Variants in RSAD1 observed in about 807,000 individuals in gnomAD.
RSAD1 encodes radical S-adenosyl methionine domain containing 1.
RSAD1 carries 34 observed loss-of-function variants against 46.2 expected under a neutral mutation model. That is an observed-to-expected ratio of 0.74 (90% CI 0.56 to 0.98). The LOEUF is 0.98. Ranked by LOEUF, RSAD1 falls within the 50% of genes least tolerant of loss-of-function variation. RSAD1 has a pLI of 0.00. For missense variants in RSAD1, 635 were observed against 592.3 expected (o/e 1.07, Z -0.75); for synonymous variants, 260 against 253.5 (o/e 1.03, Z -0.24).
chr17:50,483,778 T>C lies in RSAD1; in HGVS notation c.1107+18T>C. 1 of 1,601,602 alleles carries C rather than the reference T, an allele frequency of 6.2e-7. No individual in the cohort carries two copies. The highest frequency in any genetic ancestry group is 8.5e-7 in the Non-Finnish European group (1 of 1,175,634). On this transcript the variant is annotated intron_variant, in intron 7 of 8. Coordinates refer to ENST00000258955, the MANE Select transcript of RSAD1 (RefSeq NM_018346.3). ...CTCACCAGGTAAGGAGTTAGGATTC[T>C]TGCACACCACTCCCTCCTAAAGTCT...
intron 1 of RSAD1, 44 bp downstream of exon 1, chr17:50,479,063 C>G: frequency 7.7e-7 from 1 of 1,301,208 alleles, no homozygotes; most frequent in Non-Finnish European, 9.8e-7. Flanking sequence ...TGGCCGCAGC[C>G]CTGGCCGTGA....
At chr17:50,480,205 T>A (rs1317461009) in intron 3 of RSAD1, 121 bp downstream of exon 3, 2 of 960,012 alleles carry the variant, frequency 2.1e-6, no homozygotes, top group East Asian at 2.6e-5. Flanking sequence ...AGGGACACAG[T>A]AGGGCCTAGT....
At chr17:50,481,319 G>C (rs150508277) in intron 3 of RSAD1, among the ~76,000 whole-genome samples, 1 of 152,220 alleles carries the variant, frequency 6.6e-6, no homozygotes, top group Non-Finnish European at 1.5e-5. Context: ...CCTGAACTCT[G>C]TAATTGGATT....
chr17:50,479,380 G>C, intron 1 of RSAD1: 1 of 530,626 alleles, frequency 1.9e-6, no homozygotes. Flanking sequence ...AGCTTGGGTT[G>C]AATTCCTTCC....
chr17:50,483,853 C>A, intron 7 of RSAD1, 93 bp downstream of exon 7: 1 of 1,234,718 alleles, frequency 8.1e-7, no homozygotes, highest in African/African-American at 1.5e-5. Flanking sequence ...ACATATACCT[C>A]CAATTTCTGT....
At chr17:50,481,616 T>C (rs770775613) in intron 3 of RSAD1, among the ~76,000 whole-genome samples, 2 of 152,250 alleles carry the variant, frequency 1.3e-5, no homozygotes, top group Non-Finnish European at 2.9e-5. Flanking sequence ...TTCAGCATAA[T>C]AACAGGTATG....
rs544449721 is a variant in RSAD1, at chr17:50,479,610, G to T, written c.136-19G>T. ...GGCCAGGGCAGCTCTCACCGCGCAC[G>T]TGCACTCACTGCCCCCAGTGGCCTT... On this transcript the variant is annotated intron_variant, in intron 1 of 8. Transcript: ENST00000258955. The T allele has an allele frequency of 1.9e-6, 3 of 1,613,280 alleles. No individual in the cohort carries two copies. Among genetic ancestry groups the T allele is most frequent in the Admixed American group, 1.7e-5 (1 of 60,024 alleles).
At chr17:50,483,188 AAAAAGAAAGAAAGAAAGAAAGAAAAG>A in intron 5 of RSAD1, 126 bp from the exon 6 acceptor site, 6 of 925,234 alleles carry the variant, frequency 6.5e-6, no homozygotes, top group Non-Finnish European at 8.8e-6. Context: ...AAAAAAAAAA[AAAAAGAAAGAAAGAAAGAAAGAAAAG>A]AAAAGAAAAA....
At chr17:50,483,292 C>G in intron 5 of RSAD1, 48 bp from the exon 6 acceptor site, 2 of 1,580,724 alleles carry the variant, frequency 1.3e-6, no homozygotes, top group Non-Finnish European at 8.6e-7. Context: ...CTGGTAAACA[C>G]ATAGTATTAA....
chr17:50,479,987 T>C lies in RSAD1; in HGVS notation c.377T>C (p.Leu126Ser), dbSNP rs2290861. The C allele has an allele frequency of 0.61, 976,678 of 1,613,950 alleles. 303,272 individuals carry two copies. Among genetic ancestry groups the C allele is most frequent in the African/African-American group, 0.87 (65,584 of 75,000 alleles). ...VAQAAHLPADLEVTLEANPTS... is the reference protein window; with the variant it reads ...VAQAAHLPADSEVTLEANPTS... ...CAGGCAGCCCACCTGCCTGCAGACT[T>C]GGAAGTCACATTGGAGGCTAATCCT... The change falls in exon 3 of 9, where the codon TTG becomes TCG. Residue 126 changes from leucine (L) to serine (S), a missense_variant. Coordinates refer to ENST00000258955, the MANE Select transcript of RSAD1 (RefSeq NM_018346.3).
At chr17:50,480,415 G>C in intron 3 of RSAD1, 1 of 340,088 alleles carries the variant, frequency 2.9e-6, no homozygotes, top group Non-Finnish European at 5.6e-6. Context: ...AATGTCACCT[G>C]TAAAGGGGGT....
intron 3 of RSAD1, 69 bp from the exon 4 acceptor site, chr17:50,482,019 TCTA>T (rs2143834051): frequency 6.8e-7 from 1 of 1,462,946 alleles, no homozygotes; most frequent in African/African-American, 1.4e-5. Context: ...TGTATCTGTG[TCTA>T]CAATGGGGAG....
chr17:50,484,368 T>A, intron 7 of RSAD1, 74 bp from the exon 8 acceptor site: 13 of 1,293,478 alleles, frequency 1.0e-5, no homozygotes, highest in East Asian at 2.3e-5. Context: ...CTCCCCCACC[T>A]CTCACCATAC....
chr17:50,483,199 A>AAGAT, intron 5 of RSAD1, 141 bp from the exon 6 acceptor site: 1 of 910,406 alleles, frequency 1.1e-6, no homozygotes, highest in Non-Finnish European at 1.5e-6. Context: ...AAAAGAAAGA[A>AAGAT]AGAAAGAAAG....
chr17:50,483,633 C>A (rs1176800882), intron 6 of RSAD1, 73 bp from the exon 7 acceptor site: 1 of 1,597,076 alleles, frequency 6.3e-7, no homozygotes, highest in Admixed American at 1.7e-5. Flanking sequence ...CTAAATGCAT[C>A]CCAGTGTAGA....
chr17:50,483,785 C>A, intron 7 of RSAD1, 25 bp downstream of exon 7: 1 of 1,597,428 alleles, frequency 6.3e-7, no homozygotes, highest in Non-Finnish European at 8.5e-7. Context: ...TTCTTGCACA[C>A]CACTCCCTCC....
rs1236369641 is a variant in RSAD1, at chr17:50,478,909, C to T, written c.25C>T (p.Arg9Cys). 1.5e-6 allele frequency: 2 copies of T among 1,320,276 alleles called. No individual in the cohort carries two copies. Among genetic ancestry groups the T allele is most frequent in the Non-Finnish European group, 1.9e-6 (2 of 1,042,610 alleles). 81.8% of individuals were successfully genotyped at this position (1,320,276 alleles called of 1,614,324 possible). Residue 9 changes from arginine (R) to cysteine (C), a missense_variant, in exon 1 of 9, where the codon CGC becomes TGC. By Grantham distance (180) the Arg-to-Cys change is radical (BLOSUM62 -3). Coordinates refer to ENST00000258955, the MANE Select transcript of RSAD1 (RefSeq NM_018346.3). MALPGARA[R>C]GWAAAARAAQ... ...CATGGCGCTCCCCGGAGCCCGGGCT[C>T]GCGGCTGGGCGGCAGCAGCCAGAGC... is the stretch of plus-strand genomic sequence containing the variant.
At chr17:50,479,515 C>T (rs2033351939) in intron 1 of RSAD1, 114 bp from the exon 2 acceptor site, 1 of 1,345,186 alleles carries the variant, frequency 7.4e-7, no homozygotes, top group African/African-American at 1.5e-5. Context: ...GATGTCCTAG[C>T]TACTGTGGAA....
At position 50,479,662 on chromosome 17, in the gene RSAD1, A is replaced by T. The variant is rs2033355151; in HGVS notation, c.169A>T (p.Asn57Tyr). The T allele has an allele frequency of 6.2e-7, 1 of 1,613,842 alleles. No individual in the cohort carries two copies. The highest frequency in any genetic ancestry group is 1.1e-5 in the South Asian group (1 of 91,092). Residue 57 changes from asparagine to tyrosine, a missense_variant, in exon 2 of 9, where the codon AAC becomes TAC. Asn to Tyr is a moderately radical substitution (Grantham distance 143, BLOSUM62 -2). Transcript: ENST00000258955. Reference sequence around the variant, plus strand: ...CTGCGAGAAGCGCTGCAGTTACTGCAACTTCAACAAGTACATCCCTCGCCG... The same window carrying T: ...CTGCGAGAAGCGCTGCAGTTACTGCTACTTCAACAAGTACATCCCTCGCCG... ...PYCEKRCSYC[N>Y]FNKYIPRRLE...
Sources: gnomAD v4.1 joint callset for allele counts (sites outside exome capture counted in the v4.1 genomes callset) on GRCh38, gnomAD v4.1.1 for gene constraint, MANE v1.5 for transcripts, NCBI Gene and HGNC (gene_info 2026-07-23, HGNC 2026-07-21) for gene names.